The following VPS41 variants were observed in gnomAD, a reference collection of about 807,000 sequenced individuals.
VPS41 encodes the protein vacuolar protein sorting-associated protein 41 homolog.
A neutral mutation model predicts 130.9 loss-of-function variants in VPS41; 85 were observed. That is an observed-to-expected ratio of 0.65 (90% CI 0.55 to 0.78). The LOEUF (loss-of-function observed/expected upper bound fraction) is 0.78, where lower values mean the gene tolerates loss of function less well. Among genes scored for constraint, VPS41 ranks in the 30% least tolerant of loss-of-function variants. VPS41 has a pLI of 0.00. For missense variants in VPS41, 874 were observed against 1,018.7 expected (o/e 0.86, Z 1.93); for synonymous variants, 335 against 332.9 (o/e 1.01, Z -0.07).
chr7:38,780,199 T>C (rs1488453889), intron 10 of VPS41, among the ~76,000 whole-genome samples: 5 of 151,224 alleles, frequency 3.3e-5, no homozygotes, highest in Non-Finnish European at 7.4e-5. Context: ...TTTTTTTTTT[T>C]TGGAGTGAAA....
chr7:38,743,155 G>A (rs1397944554), intron 24 of VPS41, among the ~76,000 whole-genome samples: 1 of 152,108 alleles, frequency 6.6e-6, no homozygotes, highest in Non-Finnish European at 1.5e-5. Flanking sequence ...GCCTCATGGG[G>A]ACACAATTAA....
intron 2 of VPS41, among the ~76,000 whole-genome samples, chr7:38,896,349 T>C (rs1366121951): frequency 1.3e-5 from 2 of 152,126 alleles, no homozygotes; most frequent in African/African-American, 4.8e-5. Flanking sequence ...ATAAGCAAAC[T>C]CAGAAATGCC....
intron 24 of VPS41, among the ~76,000 whole-genome samples, chr7:38,743,058 C>T (rs568921393): frequency 7.9e-6 from 1 of 126,890 alleles, no homozygotes; most frequent in South Asian, 2.7e-4. Flanking sequence ...TATAAACACT[C>T]CCATATACAA....
At chr7:38,764,290 G>A (rs553814926) in intron 16 of VPS41, among the ~76,000 whole-genome samples, 1 of 152,332 alleles carries the variant, frequency 6.6e-6, no homozygotes, top group East Asian at 1.9e-4. Context: ...CATCTGGCAG[G>A]GGGAATAGCA....
chr7:38,882,418 A>G (rs1441425262), intron 2 of VPS41, among the ~76,000 whole-genome samples: 1 of 152,206 alleles, frequency 6.6e-6, no homozygotes, highest in East Asian at 1.9e-4. Flanking sequence ...TCCAGGAATC[A>G]GGCCTCTTTA....
chr7:38,812,828 A>G (rs1200841141), intron 7 of VPS41, among the ~76,000 whole-genome samples: 1 of 152,194 alleles, frequency 6.6e-6, no homozygotes, highest in Non-Finnish European at 1.5e-5. Context: ...CAAAACCACA[A>G]TGAGATATCA....
chr7:38,775,924 A>G (rs750439325), intron 11 of VPS41, among the ~76,000 whole-genome samples: 9 of 152,074 alleles, frequency 5.9e-5, no homozygotes, highest in African/African-American at 9.7e-5. Flanking sequence ...ACAGCATCCA[A>G]AAGAAAATCC....
intron 10 of VPS41, among the ~76,000 whole-genome samples, chr7:38,786,627 TG>T: frequency 6.6e-6 from 1 of 152,268 alleles, no homozygotes; most frequent in African/African-American, 2.4e-5. Context: ...TTTTCTTTAA[TG>T]AAAATTTCAT....
chr7:38,784,644 G>T (rs922009569), intron 10 of VPS41, among the ~76,000 whole-genome samples: 1 of 142,628 alleles, frequency 7.0e-6, no homozygotes, highest in Non-Finnish European at 1.5e-5. Context: ...GAAAGAAGGA[G>T]GGGGGGAGTT....
chr7:38,850,623 A>G (rs982392), intron 4 of VPS41, among the ~76,000 whole-genome samples: 96,512 of 151,954 alleles, frequency 0.64, 32,317 homozygotes, highest in East Asian at 0.89. Flanking sequence ...ACTGGTAAGT[A>G]TTAAATTTGA....
chr7:38,857,902 A>C (rs1584431072), intron 4 of VPS41, among the ~76,000 whole-genome samples: 1 of 152,310 alleles, frequency 6.6e-6, no homozygotes, highest in Middle Eastern at 3.4e-3. Flanking sequence ...AGGAGATGAG[A>C]GGAAAGAGGG....
chr7:38,750,408 T>A (rs376792428), intron 22 of VPS41, among the ~76,000 whole-genome samples: 1 of 152,368 alleles, frequency 6.6e-6, no homozygotes, highest in East Asian at 1.9e-4. Context: ...GATTATCTTA[T>A]AATGGTCTGT....
intron 4 of VPS41, among the ~76,000 whole-genome samples, chr7:38,856,967 G>C (rs988609783): frequency 1.3e-5 from 2 of 152,174 alleles, no homozygotes; most frequent in Non-Finnish European, 2.9e-5. Flanking sequence ...AAATGATCAG[G>C]GTCTGGAATG....
chr7:38,822,262 A>C (rs1235899522), intron 5 of VPS41, among the ~76,000 whole-genome samples: 2 of 152,226 alleles, frequency 1.3e-5, no homozygotes, highest in Non-Finnish European at 2.9e-5. Context: ...AATTTTTATG[A>C]CACGAACATA....
intron 3 of VPS41, among the ~76,000 whole-genome samples, chr7:38,862,875 G>T (rs1311057680): frequency 6.6e-6 from 1 of 152,158 alleles, no homozygotes; most frequent in Non-Finnish European, 1.5e-5. Context: ...AACTAATGGT[G>T]TGTATGCAGT....
chr7:38,889,038 T>G (rs965784975), intron 2 of VPS41, among the ~76,000 whole-genome samples: 1 of 151,660 alleles, frequency 6.6e-6, no homozygotes. Context: ...AAAACCACCA[T>G]GGCACTTGTA....
chr7:38,843,039 C>G (rs577463323), intron 4 of VPS41, among the ~76,000 whole-genome samples: 2 of 152,202 alleles, frequency 1.3e-5, no homozygotes, highest in South Asian at 4.1e-4. Flanking sequence ...CAGGTAAATA[C>G]ATAAATAAAC....
At chr7:38,820,719 G>A (rs1785153238) in intron 6 of VPS41, among the ~76,000 whole-genome samples, 1 of 152,160 alleles carries the variant, frequency 6.6e-6, no homozygotes, top group Non-Finnish European at 1.5e-5. Flanking sequence ...CTGAACACAA[G>A]GTGAACTTTC....
intron 3 of VPS41, among the ~76,000 whole-genome samples, chr7:38,867,554 AAAAT>A (rs1408786021): frequency 6.6e-6 from 1 of 151,832 alleles, no homozygotes; most frequent in Non-Finnish European, 1.5e-5. Flanking sequence ...TCAAAAAAAA[AAAAT>A]AAATAAATAA....
Sources: allele counts gnomAD v4.1 joint callset (sites outside exome capture counted in the v4.1 genomes callset), GRCh38; gene constraint gnomAD v4.1.1; transcripts MANE v1.5; gene names NCBI Gene and HGNC (gene_info 2026-07-23, HGNC 2026-07-21).